LRP1B: variants seen among roughly 807,000 people sequenced by gnomAD.
LRP1B encodes LDL receptor related protein 1B.
A neutral mutation model predicts 556.6 loss-of-function variants in LRP1B; 217 were observed. The ratio of observed to expected loss-of-function variants is 0.39; its 90% CI spans 0.35 to 0.44. LRP1B has a LOEUF of 0.44. Ranked by LOEUF, LRP1B falls within the 20% of genes least tolerant of loss-of-function variation. The pLI, the probability that LRP1B is intolerant of heterozygous loss-of-function variation, is 1.00. For missense variants in LRP1B, 5,053 were observed against 5,620.8 expected (o/e 0.90, Z 3.23); for synonymous variants, 2,047 against 1,865.8 (o/e 1.10, Z -2.50).
At chr2:140,454,780 G>A (rs1022388914) in intron 62 of LRP1B, among the ~76,000 whole-genome samples, 1 of 152,146 alleles carries the variant, frequency 6.6e-6, no homozygotes, top group Non-Finnish European at 1.5e-5. Context: ...TATTTGAAAA[G>A]TGTTATCCCT....
intron 1 of LRP1B, among the ~76,000 whole-genome samples, chr2:141,932,709 T>C (rs188122810): frequency 1.3e-5 from 2 of 152,224 alleles, no homozygotes; most frequent in African/African-American, 4.8e-5. Context: ...TTATGAATTA[T>C]TATTTATGAC....
At chr2:141,019,297 G>A (rs1697998963) in intron 12 of LRP1B, among the ~76,000 whole-genome samples, 1 of 152,068 alleles carries the variant, frequency 6.6e-6, no homozygotes, top group South Asian at 2.1e-4. Context: ...TTATGTGGTT[G>A]TCACCCTAGA....
intron 7 of LRP1B, among the ~76,000 whole-genome samples, chr2:141,082,736 T>G (rs888863264): frequency 2.6e-5 from 4 of 152,168 alleles, no homozygotes; most frequent in Non-Finnish European, 4.4e-5. Flanking sequence ...GGTGTGTTTT[T>G]CTTATAGAAA....
intron 1 of LRP1B, among the ~76,000 whole-genome samples, chr2:141,883,622 G>C (rs1186480879): frequency 6.6e-6 from 1 of 152,064 alleles, no homozygotes; most frequent in Non-Finnish European, 1.5e-5. Flanking sequence ...TACAGTGAAG[G>C]CTGAGGTAGG....
chr2:142,104,718 A>T (rs1706687349), intron 1 of LRP1B, among the ~76,000 whole-genome samples: 1 of 152,136 alleles, frequency 6.6e-6, no homozygotes, highest in Non-Finnish European at 1.5e-5. Context: ...CTTGGGTCTC[A>T]TTCCAGGAAA....
At chr2:140,939,009 CA>C (rs1432618760) in intron 20 of LRP1B, among the ~76,000 whole-genome samples, 1 of 151,922 alleles carries the variant, frequency 6.6e-6, no homozygotes, top group Non-Finnish European at 1.5e-5. Flanking sequence ...AAAATGATTA[CA>C]TTGTACTAAG....
At chr2:140,377,747 T>C (rs1259743167) in intron 68 of LRP1B, among the ~76,000 whole-genome samples, 8 of 152,152 alleles carry the variant, frequency 5.3e-5, no homozygotes, top group Non-Finnish European at 1.0e-4. Flanking sequence ...TGTGGTTTCA[T>C]AAAAATTGAT....
rs555231782 is a variant in LRP1B at position 140,977,839 on chromosome 2, C to T, written c.2887+4321G>A. ...ATTAAAAATACTAATTATTGGGTCCCACTCCTAGAGATTCTATTTAATTAC... is the reference window on the plus strand; with the variant it reads ...ATTAAAAATACTAATTATTGGGTCCTACTCCTAGAGATTCTATTTAATTAC... On this transcript the variant is annotated intron_variant, in intron 18 of 90. Coordinates refer to ENST00000389484, the MANE Select transcript of LRP1B (RefSeq NM_018557.3). 2.1e-4 allele frequency among the ~76,000 whole-genome samples: 32 copies of T among 152,238 alleles called. 1 individual carries two copies. Among genetic ancestry groups the T allele is most frequent in the Admixed American group, 5.9e-4 (9 of 15,288 alleles).
intron 1 of LRP1B, among the ~76,000 whole-genome samples, chr2:141,868,651 G>A (rs747623821): frequency 2.6e-5 from 4 of 152,094 alleles, no homozygotes; most frequent in Non-Finnish European, 5.9e-5. Flanking sequence ...TGGAAGACTT[G>A]GAAATATGTT....
chr2:141,243,330 TA>T (rs912318649), intron 5 of LRP1B, among the ~76,000 whole-genome samples: 7 of 151,874 alleles, frequency 4.6e-5, no homozygotes, highest in Admixed American at 6.6e-5. Context: ...AAAAAATTTT[TA>T]AATTAGCTGG....
At chr2:141,824,657 C>T (rs1233153860) in intron 1 of LRP1B, among the ~76,000 whole-genome samples, 7 of 152,198 alleles carry the variant, frequency 4.6e-5, no homozygotes, top group African/African-American at 1.7e-4. Flanking sequence ...CCGGCATAAA[C>T]ATTGTTAATA....
At chr2:141,771,683 C>T (rs1005417425) in intron 2 of LRP1B, among the ~76,000 whole-genome samples, 18 of 152,078 alleles carry the variant, frequency 1.2e-4, no homozygotes, top group Admixed American at 8.5e-4. Flanking sequence ...TAATCCCCAA[C>T]GTAATGGTAT....
intron 41 of LRP1B, among the ~76,000 whole-genome samples, chr2:140,634,205 A>G (rs543233136): frequency 6.6e-6 from 1 of 152,286 alleles, no homozygotes; most frequent in African/African-American, 2.4e-5. Flanking sequence ...ACATGATCAT[A>G]TCTTTAGATG....
chr2:141,742,971 T>C (rs2105547271), intron 2 of LRP1B, among the ~76,000 whole-genome samples: 1 of 152,282 alleles, frequency 6.6e-6, no homozygotes, highest in South Asian at 2.1e-4. Flanking sequence ...CCTGCAACTT[T>C]ACTGAATTTA....
intron 23 of LRP1B, among the ~76,000 whole-genome samples, chr2:140,902,717 A>G (rs1287702414): frequency 3.3e-5 from 5 of 152,206 alleles, no homozygotes; most frequent in Non-Finnish European, 7.3e-5. Context: ...ATCTGATGGT[A>G]ACAATTCAAT....
intron 2 of LRP1B, among the ~76,000 whole-genome samples, chr2:141,591,242 TG>T (rs1362676705): frequency 2.0e-5 from 3 of 152,152 alleles, no homozygotes; most frequent in African/African-American, 7.2e-5. Flanking sequence ...GCACTCCCCA[TG>T]TCCCTAAGAA....
At chr2:141,366,384 G>A (rs1388486393) in intron 3 of LRP1B, among the ~76,000 whole-genome samples, 1 of 152,132 alleles carries the variant, frequency 6.6e-6, no homozygotes, top group Non-Finnish European at 1.5e-5. Flanking sequence ...AAGCTTTCAT[G>A]TATAAATGTT....
chr2:141,648,291 T>G (rs1689657094), intron 2 of LRP1B, among the ~76,000 whole-genome samples: 1 of 151,864 alleles, frequency 6.6e-6, no homozygotes, highest in Non-Finnish European at 1.5e-5. Context: ...ATCAGACTAT[T>G]TCACTTCTTT....
chr2:141,502,590 GT>G (rs1683760524), intron 2 of LRP1B, among the ~76,000 whole-genome samples: 1 of 152,162 alleles, frequency 6.6e-6, no homozygotes, highest in Non-Finnish European at 1.5e-5. Flanking sequence ...GCTGGGCGCA[GT>G]GGCTCATGCC....
Sources: gnomAD v4.1 joint callset for allele counts (sites outside exome capture counted in the v4.1 genomes callset) on GRCh38, gnomAD v4.1.1 for gene constraint, MANE v1.5 for transcripts, NCBI Gene and HGNC (gene_info 2026-07-23, HGNC 2026-07-21) for gene names.